KLHL26: variants seen among roughly 807,000 people sequenced by gnomAD.
The protein encoded by KLHL26 is kelch like family member 26, also known as kelch-like protein 26.
In KLHL26, 4 loss-of-function variants were observed where a neutral mutation model predicts 7.1. The observed-to-expected ratio is 0.56, with a 90% CI of 0.28 to 1.28. The LOEUF (loss-of-function observed/expected upper bound fraction) is 1.28, where lower values mean the gene tolerates loss of function less well. Ranked by LOEUF, KLHL26 falls within the 50% of genes most tolerant of loss-of-function variation. KLHL26 has a pLI of 0.11. For synonymous variants in KLHL26, 465 were observed against 414.1 expected (o/e 1.12, Z -1.49); for missense variants, 896 against 924.6 (o/e 0.97, Z 0.40).
At chr19:18,658,371 C>T (rs2052355343) in intron 1 of KLHL26, among the ~76,000 whole-genome samples, 2 of 152,036 alleles carry the variant, frequency 1.3e-5, no homozygotes, top group South Asian at 4.1e-4. Flanking sequence ...TCGAGCCCCA[C>T]ACCACCTCCC....
intron 2 of KLHL26, among the ~76,000 whole-genome samples, chr19:18,666,594 G>A (rs890274866): frequency 1.2e-4 from 18 of 152,112 alleles, no homozygotes; most frequent in East Asian, 7.7e-4. Context: ...GTTCTGCCTC[G>A]CAGAGCACAG....
chr19:18,648,527 C>G lies in KLHL26; in HGVS notation c.83+11390C>G, dbSNP rs1976845752. On this transcript the variant is annotated intron_variant, in intron 1 of 2. Coordinates refer to ENST00000300976, the MANE Select transcript of KLHL26 (RefSeq NM_018316.3). This position sits in a 1 kb window ranked among gnomAD's most constrained non-coding sequence, Gnocchi z 4.9. ...GGGCAGGCTGAAGGTCAGGGTTGTC[C>G]TTGGTCCCGCGCGGCTGCACTGCCT... Among the ~76,000 whole-genome samples the G allele has an allele frequency of 6.6e-6, 1 of 152,176 alleles. No homozygotes were observed. The highest frequency in any genetic ancestry group is 2.4e-5 in the African/African-American group (1 of 41,444).
At chr19:18,642,338 A>AGTATGTGTGTGTGTGTGTGT (rs1362401503) in intron 1 of KLHL26, among the ~76,000 whole-genome samples, 25 of 123,886 alleles carry the variant, frequency 2.0e-4, no homozygotes, top group African/African-American at 8.3e-4. Context: ...CTAGTCACCT[A>AGTATGTGTGTGTGTGTGTGT]GTGTGTGTGT....
intron 1 of KLHL26, among the ~76,000 whole-genome samples, chr19:18,657,833 C>T (rs545447692): frequency 2.0e-5 from 3 of 152,288 alleles, no homozygotes; most frequent in East Asian, 3.9e-4. Context: ...GCAGGGCGGC[C>T]GGGCCTCAGG....
Position 18,654,649 on chromosome 19 carries a change from G to A in KLHL26, c.84-9612G>A, listed in dbSNP as rs552042789. On this transcript the variant is annotated intron_variant, in intron 1 of 2. Transcript: ENST00000300976. ...TCCATTAACTCACCTATACATCCACGCACCCTTTCATCCACCCATCCACCT... is the reference window on the plus strand; with the variant it reads ...TCCATTAACTCACCTATACATCCACACACCCTTTCATCCACCCATCCACCT... 1.6e-4 allele frequency among the ~76,000 whole-genome samples: 23 copies of A among 140,846 alleles called. No homozygotes were observed. The South Asian group carries it at 4.1e-3, about 25-fold the overall frequency. 92.4% of individuals were successfully genotyped at this position (140,846 alleles called of 152,430 possible).
At chr19:18,638,225 C>A (rs1031890463) in intron 1 of KLHL26, among the ~76,000 whole-genome samples, 2 of 152,152 alleles carry the variant, frequency 1.3e-5, no homozygotes, top group African/African-American at 2.4e-5. Flanking sequence ...TTGATACTTA[C>A]GTGCTGTGGA....
rs1429630088 is a variant in KLHL26, at chr19:18,669,904, G to A, written c.*659G>A. ...AGTTCCTGCCTTCATCTGCTTTCCG[G>A]AGGAAAAACCATATCAACTCCTAGA... On this transcript the variant is annotated 3_prime_UTR_variant, in exon 3 of 3. Transcript: ENST00000300976. 1 of 152,392 alleles carries A rather than the reference G, an allele frequency of 6.6e-6. No homozygotes were observed. Among genetic ancestry groups the A allele is most frequent in the African/African-American group, 2.4e-5 (1 of 41,430 alleles). 9.4% of individuals were successfully genotyped at this position (152,392 alleles called of 1,614,324 possible).
At chr19:18,664,595 T>C (rs1355190228) in intron 2 of KLHL26, 152 bp downstream of exon 2, 1 of 579,542 alleles carries the variant, frequency 1.7e-6, no homozygotes, top group Non-Finnish European at 2.8e-6. Flanking sequence ...TCTTTTTTTT[T>C]TTTTGAGATG....
chr19:18,668,810 A>G lies in KLHL26; in HGVS notation c.1413A>G (p.Ser471=). ...RLYISGGYGI[S]VEDKKALHCY... ...ACATCTCGGGTGGCTACGGGATCTCAGTGGAGGACAAGAAGGCCCTGCACT... is the reference window on the plus strand; with the variant it reads ...ACATCTCGGGTGGCTACGGGATCTCGGTGGAGGACAAGAAGGCCCTGCACT... The change falls in exon 3 of 3, where the codon TCA becomes TCG. Residue 471 remains serine, a synonymous_variant. Transcript: ENST00000300976. The G allele has an allele frequency of 6.3e-7, 1 of 1,595,640 alleles. No individual in the cohort carries two copies. The highest frequency in any genetic ancestry group is 8.5e-7 in the Non-Finnish European group (1 of 1,177,950).
chr19:18,668,704 G>A lies in KLHL26; in HGVS notation c.1307G>A (p.Arg436Gln), dbSNP rs1173598598. ...GCCTCCGTGGAGCGGTACTGCCCCC[G>A]GCGCAATGAGTGGGGCTACGCCTGC... ...SLASVERYCP[R>Q]RNEWGYACSL... Residue 436 changes from arginine to glutamine, a missense_variant, in exon 3 of 3, where the codon CGG (arginine) becomes CAG (glutamine). Physicochemically the swap from Arg to Gln is conservative, Grantham distance 43. Transcript: ENST00000300976. 8 of 1,571,836 alleles carry A rather than the reference G, an allele frequency of 5.1e-6. No homozygotes were observed. The highest frequency in any genetic ancestry group is 4.0e-5 in the African/African-American group (3 of 74,082).
intron 2 of KLHL26, 138 bp downstream of exon 2, chr19:18,664,581 C>A (rs2052427396): frequency 1.6e-6 from 1 of 616,046 alleles, no homozygotes; most frequent in Non-Finnish European, 2.6e-6. Flanking sequence ...CTGGTACCGG[C>A]TGCTCTTTTT....
At chr19:18,651,279 A>G (rs985684756) in intron 1 of KLHL26, among the ~76,000 whole-genome samples, 1 of 152,064 alleles carries the variant, frequency 6.6e-6, no homozygotes, top group Non-Finnish European at 1.5e-5. Flanking sequence ...GCGACCCTTC[A>G]TCCTGGTGGC....
rs1269679003 is a variant in KLHL26, at chr19:18,669,037, C to T, written c.1640C>T (p.Ala547Val). 1 of 1,612,752 alleles carries T rather than the reference C, an allele frequency of 6.2e-7. No homozygotes were observed. Among genetic ancestry groups the T allele is most frequent in the South Asian group, 1.1e-5 (1 of 91,076 alleles). Reference protein sequence around the residue: ...DQWTSVSPMRAGQSEAGCCLL... With the variant: ...DQWTSVSPMRVGQSEAGCCLL... ...TGGACCAGCGTGAGCCCCATGCGGGCCGGCCAGTCAGAGGCCGGCTGCTGC... is the reference window on the plus strand; with the variant it reads ...TGGACCAGCGTGAGCCCCATGCGGGTCGGCCAGTCAGAGGCCGGCTGCTGC... The change falls in exon 3 of 3, where the codon GCC (alanine) becomes GTC (valine). Residue 547 changes from alanine (A) to valine (V), a missense_variant. Coordinates refer to ENST00000300976, the MANE Select transcript of KLHL26 (RefSeq NM_018316.3).
At chr19:18,665,897 C>T (rs905507725) in intron 2 of KLHL26, among the ~76,000 whole-genome samples, 1 of 152,228 alleles carries the variant, frequency 6.6e-6, no homozygotes, top group Admixed American at 6.5e-5. Context: ...GAGGCCCGGG[C>T]CGCCTGCCCC....
At position 18,649,651 on chromosome 19, in the gene KLHL26, G is replaced by C. The variant is rs1210702657; in HGVS notation, c.83+12514G>C. Among the ~76,000 whole-genome samples, 1 of 152,242 alleles carries C rather than the reference G, an allele frequency of 6.6e-6. No homozygotes were observed. Among genetic ancestry groups the C allele is most frequent in the African/African-American group, 2.4e-5 (1 of 41,472 alleles). The stretch of plus-strand genomic sequence containing the variant: ...AGTGGAAGTGGGGGCCAAGCCCGCT[G>C]GGTTCCCGCTGCCGGCAGCCCCGCC... On this transcript the variant is annotated intron_variant, in intron 1 of 2. Coordinates refer to ENST00000300976, the MANE Select transcript of KLHL26 (RefSeq NM_018316.3). This position sits in a 1 kb window ranked among gnomAD's most constrained non-coding sequence, Gnocchi z 4.0.
chr19:18,642,382 T>TGTGTGTGTGTGTGTGTGTG (rs71168756), intron 1 of KLHL26, among the ~76,000 whole-genome samples: 4 of 150,292 alleles, frequency 2.7e-5, no homozygotes, highest in East Asian at 3.9e-4. Context: ...TGTGTGTGTG[T>TGTGTGTGTGTGTGTGTGTG]TTGAGATGGA....
At position 18,669,552 on chromosome 19, in the gene KLHL26, G is replaced by C; in HGVS notation, c.*307G>C. 1.8e-6 allele frequency: 1 copy of C among 559,752 alleles called. No individual in the cohort carries two copies. Among genetic ancestry groups the C allele is most frequent in the Non-Finnish European group, 3.1e-6 (1 of 318,006 alleles). 34.7% of individuals were successfully genotyped at this position (559,752 alleles called of 1,614,324 possible). On this transcript the variant is annotated 3_prime_UTR_variant, in exon 3 of 3. Coordinates refer to ENST00000300976, the MANE Select transcript of KLHL26 (RefSeq NM_018316.3). ...CCACGGGCTGGCGGGTGGAATCCCA[G>C]GTCTCCAGGGGGTCCCTGTGCAGCT...
At chr19:18,665,730 G>A (rs1249440675) in intron 2 of KLHL26, among the ~76,000 whole-genome samples, 1 of 152,224 alleles carries the variant, frequency 6.6e-6, no homozygotes, top group Non-Finnish European at 1.5e-5. Context: ...CTCCTCGCCA[G>A]CTGGGGGCTG....
chr19:18,667,666 C>T lies in KLHL26; in HGVS notation c.269C>T (p.Ala90Val). 1 of 1,609,348 alleles carries T rather than the reference C, an allele frequency of 6.2e-7. No homozygotes were observed. Among genetic ancestry groups the T allele is most frequent in the Non-Finnish European group, 8.5e-7 (1 of 1,177,758 alleles). ...VLAACSDYFR[A>V]MFTGGMREAS... is the part of the protein sequence containing the mutation. ...CACGTTGTGTTTCTGCCCTTCAGGG[C>T]CATGTTCACCGGCGGCATGCGGGAG... Residue 90 changes from alanine to valine, a missense_variant and splice_region_variant, in exon 3 of 3, where the codon GCC becomes GTC. Transcript: ENST00000300976.
Sources: gnomAD v4.1 joint callset for allele counts (sites outside exome capture counted in the v4.1 genomes callset) on GRCh38, gnomAD v4.1.1 for gene constraint, Gnocchi (gnomAD v3.1) non-coding constraint, MANE v1.5 for transcripts, NCBI Gene and HGNC (gene_info 2026-07-23, HGNC 2026-07-21) for gene names.